The following SUMF1 variants were observed in gnomAD, a reference collection of about 807,000 sequenced individuals.
SUMF1 encodes sulfatase modifying factor 1.
SUMF1 carries 48 observed loss-of-function variants against 47.6 expected under a neutral mutation model. That is an observed-to-expected ratio of 1.01 (90% CI 0.80 to 1.28). The LOEUF is 1.28. Ranked by LOEUF, SUMF1 falls within the 50% of genes most tolerant of loss-of-function variation. The pLI is 0.00. For missense variants in SUMF1, 571 were observed against 485.4 expected (o/e 1.18, Z -1.66); for synonymous variants, 230 against 192.1 (o/e 1.20, Z -1.63).
chr3:4,229,339 A>G (rs1038633463), intron 8 of SUMF1: 2 of 417,756 alleles, frequency 4.8e-6, no homozygotes, highest in African/African-American at 2.1e-5. Context: ...GCCTTTGATA[A>G]TCCACCTTTC....
intron 8 of SUMF1, chr3:4,314,416 CTTAA>C (rs1698553232): frequency 6.6e-6 from 1 of 152,524 alleles, no homozygotes; most frequent in Admixed American, 6.5e-5. Flanking sequence ...CTGCGTCCTA[CTTAA>C]TTGTTTCTAA....
At chr3:4,417,834 A>G (rs1274630916) in intron 5 of SUMF1, among the ~76,000 whole-genome samples, 176 bp downstream of exon 5, 1 of 152,244 alleles carries the variant, frequency 6.6e-6, no homozygotes, top group Non-Finnish European at 1.5e-5. Flanking sequence ...TAGGGGTGAT[A>G]AAAGATTTGT....
chr3:4,432,009 T>G (rs1702249404), intron 3 of SUMF1, among the ~76,000 whole-genome samples: 1 of 152,072 alleles, frequency 6.6e-6, no homozygotes, highest in African/African-American at 2.4e-5. Flanking sequence ...TCCCAATCTA[T>G]AGCTAAACTG....
chr3:4,233,018 CA>C (rs1559594023), intron 8 of SUMF1, among the ~76,000 whole-genome samples: 1 of 152,124 alleles, frequency 6.6e-6, no homozygotes, highest in African/African-American at 2.4e-5. Flanking sequence ...CTGCAGTTAA[CA>C]AAAGCCTCTG....
At chr3:4,226,567 C>T (rs1399445881) in intron 8 of SUMF1, among the ~76,000 whole-genome samples, 1 of 151,902 alleles carries the variant, frequency 6.6e-6, no homozygotes, top group East Asian at 1.9e-4. Context: ...TGTGCCTGGC[C>T]ATGATTATTG....
intron 8 of SUMF1, among the ~76,000 whole-genome samples, chr3:4,194,830 C>T (rs186308712): frequency 6.6e-6 from 1 of 152,180 alleles, no homozygotes; most frequent in Admixed American, 6.5e-5. Flanking sequence ...TACAGAATTT[C>T]GAACAATGTT....
Position 4,080,124 on chromosome 3 carries a change from A to G in SUMF1, c.1015-11379T>C, listed in dbSNP as rs1167166928. Among the ~76,000 whole-genome samples, 4 of 152,072 alleles carry G rather than the reference A, an allele frequency of 2.6e-5. 1 individual carries two copies. Among genetic ancestry groups the G allele is most frequent in the Non-Finnish European group, 5.9e-5 (4 of 68,010 alleles). On this transcript the variant is annotated intron_variant and NMD_transcript_variant, in intron 8 of 12. Transcript: ENST00000448413. ...TACCCGTAGTTCACTGGACGTTACA[A>G]ACAGCAATTCTTTACTTCCAGTTTT...
chr3:4,302,724 G>A (rs1461041760), intron 8 of SUMF1, among the ~76,000 whole-genome samples: 1 of 152,144 alleles, frequency 6.6e-6, no homozygotes, highest in Non-Finnish European at 1.5e-5. Context: ...GGACAATCAT[G>A]TCAGAGAGCT....
At chr3:4,213,876 T>C (rs555568157) in intron 8 of SUMF1, among the ~76,000 whole-genome samples, 1 of 152,156 alleles carries the variant, frequency 6.6e-6, no homozygotes, top group African/African-American at 2.4e-5. Context: ...TAAATATATA[T>C]GCACCCAATA....
At chr3:4,241,351 T>C (rs1696533561) in intron 8 of SUMF1, among the ~76,000 whole-genome samples, 1 of 152,128 alleles carries the variant, frequency 6.6e-6, no homozygotes, top group South Asian at 2.1e-4. Flanking sequence ...CATACCCAAA[T>C]AATATGTATG....
chr3:4,352,582 T>G (rs556536004), intron 8 of SUMF1, among the ~76,000 whole-genome samples: 1 of 152,106 alleles, frequency 6.6e-6, no homozygotes, highest in East Asian at 1.9e-4. Context: ...GCTGCAATAG[T>G]CAGGGAATCT....
rs754825158 is a variant in SUMF1, at chr3:4,467,192, G to A, written c.54C>T (p.Leu18=). ...LVCGRCPELG[L]VLLLLLLSLL... is the part of the protein sequence containing the mutation. ...GCGAGAGCAGCAGCAGCAAGAGGAC[G>A]AGACCCAGCTCAGGGCAACGTCCAC... Residue 18 remains leucine, a synonymous_variant, in exon 1 of 9, where the codon CTC becomes CTT. Transcript: ENST00000272902. 13 of 1,610,818 alleles carry A rather than the reference G, an allele frequency of 8.1e-6. No individual in the cohort carries two copies. Among genetic ancestry groups the A allele is most frequent in the Admixed American group, 3.3e-5 (2 of 59,794 alleles).
intron 8 of SUMF1, among the ~76,000 whole-genome samples, chr3:4,211,986 G>A (rs758322288): frequency 3.3e-5 from 5 of 152,168 alleles, no homozygotes; most frequent in Non-Finnish European, 7.4e-5. Flanking sequence ...TGGGGAAGGG[G>A]TGGCTGTGGG....
intron 8 of SUMF1, among the ~76,000 whole-genome samples, chr3:4,335,684 C>G (rs573639262): frequency 6.6e-6 from 1 of 152,228 alleles, no homozygotes. Context: ...GTGGCTCACA[C>G]CTGTAATCCC....
At chr3:4,070,359 C>T (rs1695491620) in intron 8 of SUMF1, among the ~76,000 whole-genome samples, 1 of 152,114 alleles carries the variant, frequency 6.6e-6, no homozygotes, top group Admixed American at 6.5e-5. Context: ...AAATATTATA[C>T]AGTGTTTGAC....
At chr3:4,177,724 C>A (rs550765474) in intron 8 of SUMF1, among the ~76,000 whole-genome samples, 7 of 151,860 alleles carry the variant, frequency 4.6e-5, no homozygotes, top group East Asian at 3.9e-4. Flanking sequence ...ACACAAAAAA[C>A]CATTCAAAAA....
intron 8 of SUMF1, among the ~76,000 whole-genome samples, chr3:4,243,874 G>A (rs1052584406): frequency 1.1e-4 from 16 of 151,356 alleles, no homozygotes; most frequent in African/African-American, 1.5e-4. Flanking sequence ...TACAGTCTCC[G>A]GTTATTATGT....
chr3:4,086,758 GA>G, intron 8 of SUMF1, among the ~76,000 whole-genome samples: 1 of 152,188 alleles, frequency 6.6e-6, no homozygotes, highest in Middle Eastern at 3.4e-3. Flanking sequence ...ATTGAATCAT[GA>G]GGGCGGTTTC....
In SUMF1 at chr3:4,456,692, G is replaced by GTA. The variant is rs1432479615; in HGVS notation, c.271-3645_271-3644dup. The stretch of plus-strand genomic sequence containing the variant: ...TATATACGTGTATATATATATGTGT[G>GTA]TATATATATATACGTATATATATAC... On this transcript the variant is annotated intron_variant, in intron 1 of 8. Coordinates refer to ENST00000272902, the MANE Select transcript of SUMF1 (RefSeq NM_182760.4). Among the ~76,000 whole-genome samples, 44 of 131,128 alleles carry GTA rather than the reference G, an allele frequency of 3.4e-4. 1 individual carries two copies. Among genetic ancestry groups the GTA allele is most frequent in the East Asian group, 7.0e-4 (3 of 4,258 alleles). The allele number at this position is 131,128 out of a possible 152,430, so 86.0% of individuals were successfully genotyped here.
Sources: gnomAD v4.1 joint callset for allele counts (sites outside exome capture counted in the v4.1 genomes callset) on GRCh38, gnomAD v4.1.1 for gene constraint, MANE v1.5 for transcripts, NCBI Gene and HGNC (gene_info 2026-07-23, HGNC 2026-07-21) for gene names.